Variants in TOX2 observed in about 807,000 individuals in gnomAD.
TOX2 encodes granulosa cell HMG box 1.
A neutral mutation model predicts 47.4 loss-of-function variants in TOX2; 15 were observed. The ratio of observed to expected loss-of-function variants is 0.32; its 90% CI spans 0.21 to 0.49. TOX2 has a LOEUF of 0.49. Ranked by LOEUF, TOX2 falls within the 20% of genes least tolerant of loss-of-function variation. The pLI is 0.99. For missense variants in TOX2, 622 were observed against 673.1 expected, an observed-to-expected ratio of 0.92 and a Z score of 0.84; for synonymous variants, 290 against 296.6, an observed-to-expected ratio of 0.98 and a Z score of 0.23.
chr20:43,927,877 A>G (rs974015889), intron 1 of TOX2, among the ~76,000 whole-genome samples: 1 of 151,468 alleles, frequency 6.6e-6, no homozygotes, highest in African/African-American at 2.4e-5. Context: ...AGGCAGGAAC[A>G]GGTAATTAAG....
At chr20:43,971,656 G>A (rs1168836301) in intron 1 of TOX2, among the ~76,000 whole-genome samples, 1 of 152,194 alleles carries the variant, frequency 6.6e-6, no homozygotes, top group African/African-American at 2.4e-5. Context: ...AAATATTTAT[G>A]GGAGCAATAT....
chr20:44,046,965 G>C (rs77931356), intron 3 of TOX2, among the ~76,000 whole-genome samples: 1 of 152,094 alleles, frequency 6.6e-6, no homozygotes, highest in Non-Finnish European at 1.5e-5. Context: ...AAAAATCTCA[G>C]TACTTTCCAA....
At chr20:44,058,068 G>C (rs982290555) in intron 5 of TOX2, among the ~76,000 whole-genome samples, 1 of 150,290 alleles carries the variant, frequency 6.7e-6, no homozygotes, top group African/African-American at 2.5e-5. Flanking sequence ...GTGAACTTTT[G>C]CTCCAAGAAC....
intron 1 of TOX2, 76 bp from the exon 2 acceptor site, chr20:43,973,288 CCCT>C (rs1303137832): frequency 2.1e-6 from 3 of 1,414,846 alleles, no homozygotes; most frequent in African/African-American, 2.8e-5. Context: ...CAGTCCCCTG[CCCT>C]CCTCCGGCTG....
intron 3 of TOX2, among the ~76,000 whole-genome samples, chr20:44,047,170 A>G (rs565029117): frequency 6.6e-6 from 1 of 152,342 alleles, no homozygotes; most frequent in South Asian, 2.1e-4. Context: ...GAGTTTCTCA[A>G]CCTCAGCACT....
chr20:43,937,922 T>C (rs1227089276), intron 1 of TOX2, among the ~76,000 whole-genome samples: 1 of 152,180 alleles, frequency 6.6e-6, no homozygotes, highest in African/African-American at 2.4e-5. Flanking sequence ...GGGAGGAGTC[T>C]GGAGTGTGGG....
At chr20:44,026,250 G>GTATATATATATATATATATATATATAT (rs2071066125) in intron 3 of TOX2, among the ~76,000 whole-genome samples, 1 of 82,952 alleles carries the variant, frequency 1.2e-5, no homozygotes, top group Non-Finnish European at 2.3e-5. Context: ...TATATATATA[G>GTATATATATATATATATATATATATAT]ACACACACAC....
intron 3 of TOX2, among the ~76,000 whole-genome samples, chr20:44,023,009 A>G (rs1256484195): frequency 2.7e-5 from 4 of 149,848 alleles, no homozygotes; most frequent in Non-Finnish European, 5.9e-5. Flanking sequence ...AGGTGGGGGG[A>G]GGAAGAGAAG....
intron 2 of TOX2, among the ~76,000 whole-genome samples, chr20:43,989,389 A>C (rs1225914690): frequency 6.6e-6 from 1 of 152,226 alleles, no homozygotes; most frequent in African/African-American, 2.4e-5. Context: ...TCAGCATCAC[A>C]CATGCGGGAG....
At chr20:44,027,644 C>T (rs758590096) in intron 3 of TOX2, among the ~76,000 whole-genome samples, 5 of 152,220 alleles carry the variant, frequency 3.3e-5, no homozygotes, top group Non-Finnish European at 5.9e-5. Flanking sequence ...GATGAAGTGG[C>T]TGGTCGAGCT....
chr20:44,015,524 C>CTTA (rs1243652085), intron 3 of TOX2, among the ~76,000 whole-genome samples: 3 of 152,066 alleles, frequency 2.0e-5, no homozygotes, highest in African/African-American at 7.3e-5. Flanking sequence ...AAAAGCTAAG[C>CTTA]TAATAAAAGC....
chr20:44,044,743 A>T (rs2071388384), intron 3 of TOX2, among the ~76,000 whole-genome samples: 1 of 152,164 alleles, frequency 6.6e-6, no homozygotes, highest in Non-Finnish European at 1.5e-5. Context: ...TAAAAAACAG[A>T]ATTACTATAT....
intron 3 of TOX2, among the ~76,000 whole-genome samples, chr20:44,049,719 A>G (rs6065694): frequency 0.73 from 110,694 of 152,060 alleles, 40,515 homozygotes; most frequent in East Asian, 0.79. Context: ...TTCGGCTTCC[A>G]CTTACAAGTG....
chr20:43,927,615 T>TCCTC (rs2069187165), intron 1 of TOX2, among the ~76,000 whole-genome samples: 1 of 74,992 alleles, frequency 1.3e-5, no homozygotes, highest in Admixed American at 1.4e-4. Context: ...CTTCCTTCCT[T>TCCTC]CCTTCCTTCC....
intron 2 of TOX2, among the ~76,000 whole-genome samples, chr20:43,975,431 G>A (rs1380572837): frequency 2.0e-5 from 3 of 152,196 alleles, no homozygotes; most frequent in South Asian, 2.1e-4. Flanking sequence ...ATGAGTAGAC[G>A]TTATTGTTCA....
At chr20:44,034,695 T>C (rs1397628808) in intron 3 of TOX2, among the ~76,000 whole-genome samples, 3 of 152,216 alleles carry the variant, frequency 2.0e-5, no homozygotes, top group Non-Finnish European at 4.4e-5. Flanking sequence ...CAGGCTGGAC[T>C]CCAGACTTGT....
chr20:43,941,505 G>A (rs1055722160), intron 1 of TOX2, among the ~76,000 whole-genome samples: 9 of 152,076 alleles, frequency 5.9e-5, no homozygotes, highest in South Asian at 2.1e-4. Context: ...GCTAATTTTC[G>A]TATTTTTAGT....
At chr20:43,986,343 G>A (rs1335331004) in intron 2 of TOX2, among the ~76,000 whole-genome samples, 4 of 152,126 alleles carry the variant, frequency 2.6e-5, no homozygotes, top group Admixed American at 6.5e-5. Flanking sequence ...GTACAGTGGT[G>A]TGATCTTGGC....
intron 3 of TOX2, among the ~76,000 whole-genome samples, chr20:44,026,915 T>G (rs533433303): frequency 1.3e-5 from 2 of 152,052 alleles, no homozygotes; most frequent in East Asian, 3.9e-4. Flanking sequence ...TCCTGCCGCC[T>G]CCTCCCCACC....
Sources: gnomAD v4.1 joint callset for allele counts (sites outside exome capture counted in the v4.1 genomes callset) on GRCh38, gnomAD v4.1.1 for gene constraint, MANE v1.5 for transcripts, NCBI Gene and HGNC (gene_info 2026-07-23, HGNC 2026-07-21) for gene names.